DPP6: variants seen among roughly 807,000 people sequenced by gnomAD.
DPP6 encodes dipeptidyl peptidase like 6, also known as A-type potassium channel modulatory protein DPP6.
Under a neutral mutation model 122.6 loss-of-function variants are expected in DPP6, and 69 were observed. The ratio of observed to expected loss-of-function variants is 0.56; its 90% CI spans 0.46 to 0.69. The LOEUF (loss-of-function observed/expected upper bound fraction) is 0.69. DPP6 is among the 30% of genes least tolerant of loss of function. DPP6 has a pLI of 0.00. For synonymous variants in DPP6, 418 were observed against 433.1 expected, an observed-to-expected ratio of 0.97 and a Z score of 0.43; for missense variants, 928 against 1,116.9, an observed-to-expected ratio of 0.83 and a Z score of 2.41.
At chr7:154,543,570 A>G (rs1268414488) in intron 4 of DPP6, among the ~76,000 whole-genome samples, 1 of 152,266 alleles carries the variant, frequency 6.6e-6, no homozygotes. Flanking sequence ...CTGTATTTAC[A>G]TGGATGTATT....
chr7:154,491,950 G>C (rs1040914146), intron 3 of DPP6, among the ~76,000 whole-genome samples: 18 of 152,096 alleles, frequency 1.2e-4, no homozygotes, highest in Non-Finnish European at 2.4e-4. Flanking sequence ...AGTAGCTCAA[G>C]GATCCCATAA....
intron 1 of DPP6, among the ~76,000 whole-genome samples, chr7:153,946,699 G>T (rs545555417): frequency 6.6e-6 from 1 of 152,230 alleles, no homozygotes; most frequent in South Asian, 2.1e-4. Context: ...AAACGCCTCT[G>T]ACATAGCTGA....
chr7:153,950,735 A>G (rs1802170606), intron 1 of DPP6, among the ~76,000 whole-genome samples: 1 of 152,204 alleles, frequency 6.6e-6, no homozygotes. Context: ...ACCTCATTCA[A>G]GGAAAATAAG....
rs544291846 is a variant in DPP6, at chr7:153,928,937, A to G, written c.51+41203A>G. Among the ~76,000 whole-genome samples, 14 of 152,280 alleles carry G rather than the reference A, an allele frequency of 9.2e-5. 1 individual carries two copies. The East Asian group carries it at 1.9e-3, about 21-fold the overall frequency. On this transcript the variant is annotated intron_variant, in intron 1 of 25. Coordinates refer to the DPP6 transcript ENST00000404039. ...GGACGGGAAGTCTCCCCGCACGTCG[A>G]TTCAGAGAAAGGTAACGGAATAAAC...
At chr7:154,230,036 T>C (rs1247940344) in intron 1 of DPP6, among the ~76,000 whole-genome samples, 4 of 152,196 alleles carry the variant, frequency 2.6e-5, no homozygotes, top group African/African-American at 9.7e-5. Flanking sequence ...GGTTTGGGAA[T>C]TGAACATCAT....
chr7:154,828,422 C>G (rs1800359429), intron 16 of DPP6, among the ~76,000 whole-genome samples: 1 of 152,106 alleles, frequency 6.6e-6, no homozygotes, highest in East Asian at 1.9e-4. Context: ...AAGTGCTCTT[C>G]CCTGTCACCA....
intron 4 of DPP6, among the ~76,000 whole-genome samples, chr7:154,550,201 T>A (rs1829527465): frequency 1.3e-5 from 2 of 152,232 alleles, no homozygotes; most frequent in Non-Finnish European, 2.9e-5. Context: ...AGTCATTATT[T>A]CAAGTTACTT....
chr7:153,911,484 C>T (rs1165645410), intron 1 of DPP6, among the ~76,000 whole-genome samples: 2 of 152,160 alleles, frequency 1.3e-5, no homozygotes, highest in African/African-American at 2.4e-5. Context: ...TAGATGCTCT[C>T]CCAAATTTAG....
chr7:154,665,567 T>TA (rs1228664387), intron 6 of DPP6, among the ~76,000 whole-genome samples: 13 of 152,168 alleles, frequency 8.5e-5, no homozygotes, highest in Admixed American at 2.6e-4. Context: ...CCAGCCCAGA[T>TA]ACAATTGCTC....
intron 1 of DPP6, among the ~76,000 whole-genome samples, chr7:154,206,598 A>G (rs1315321106): frequency 1.3e-5 from 2 of 152,158 alleles, no homozygotes; most frequent in Non-Finnish European, 2.9e-5. Context: ...GGCCCTCACC[A>G]ATCCATCCAG....
chr7:153,886,787 C>G (rs141173246), upstream of DPP6, among the ~76,000 whole-genome samples: 30 of 152,304 alleles, frequency 2.0e-4, no homozygotes, highest in African/African-American at 7.2e-4. Context: ...TCCCCCGCTT[C>G]CCCTCCGCTC....
rs1563338785 is a variant in DPP6 at position 154,893,473 on chromosome 7, A to AAAAAAC, written c.*998_*999insCAAAAA. 33 of 142,160 alleles carry AAAAAAC rather than the reference A, an allele frequency of 2.3e-4. No homozygotes were observed. The highest frequency in any genetic ancestry group is 6.5e-4 in the South Asian group (3 of 4,586). The allele number at this position is 142,160 out of a possible 1,614,324, so 8.8% of individuals were successfully genotyped here. ...GGTTTAAAAAAAAAAAAAAAAAAAA[A>AAAAAAC]AAAAAAACAGAAAAAAGACAAAGCG... On this transcript the variant is annotated 3_prime_UTR_variant, in exon 26 of 26. Coordinates refer to ENST00000377770, the MANE Select transcript of DPP6 (RefSeq NM_130797.4).
chr7:154,732,904 C>T (rs1410651826), intron 8 of DPP6, among the ~76,000 whole-genome samples: 2 of 152,208 alleles, frequency 1.3e-5, no homozygotes, highest in Admixed American at 1.3e-4. Flanking sequence ...CAGGCAGCCC[C>T]TGACAAGGAG....
intron 7 of DPP6, among the ~76,000 whole-genome samples, chr7:154,727,458 T>G (rs1055588055): frequency 1.2e-4 from 19 of 152,208 alleles, no homozygotes; most frequent in Non-Finnish European, 2.8e-4. Context: ...GACATGAGAT[T>G]TGGACGGGGA....
Position 154,459,488 on chromosome 7 carries a change from TATTA to T in DPP6, c.358+13164_358+13167del, listed in dbSNP as rs1179093947. Among the ~76,000 whole-genome samples, 4 of 152,298 alleles carry T rather than the reference TATTA, an allele frequency of 2.6e-5. No homozygotes were observed. In the South Asian group the frequency reaches 6.2e-4, roughly 24 times the overall value. On this transcript the variant is annotated intron_variant, in intron 2 of 25. Transcript: ENST00000377770. Reference sequence around the variant, plus strand: ...TATGTTTATGATCAGAACATGATTTTATTAATTTTATTGAACAAGTAATATGTAT... The same window carrying T: ...TATGTTTATGATCAGAACATGATTTTATTTTATTGAACAAGTAATATGTAT...
At chr7:153,935,758 C>A (rs899291486) in intron 1 of DPP6, among the ~76,000 whole-genome samples, 2 of 152,212 alleles carry the variant, frequency 1.3e-5, no homozygotes, top group African/African-American at 4.8e-5. Flanking sequence ...CCCACCACCA[C>A]GCGCTGCTCT....
chr7:154,184,106 A>G (rs1798234923), intron 1 of DPP6, among the ~76,000 whole-genome samples: 1 of 152,194 alleles, frequency 6.6e-6, no homozygotes, highest in African/African-American at 2.4e-5. Context: ...GGCATGGCAG[A>G]CGGGCAGGAC....
intron 1 of DPP6, among the ~76,000 whole-genome samples, chr7:154,014,302 C>T (rs1426054101): frequency 7.0e-6 from 1 of 143,060 alleles, no homozygotes; most frequent in Admixed American, 7.0e-5. Context: ...CAAATTTATA[C>T]TAGCATAAGG....
At chr7:154,076,402 A>C (rs1340356672) in intron 1 of DPP6, among the ~76,000 whole-genome samples, 7 of 151,944 alleles carry the variant, frequency 4.6e-5, no homozygotes, top group Non-Finnish European at 1.0e-4. Context: ...GTGAGCCGAG[A>C]TTGTGGCAAT....
Sources: allele counts gnomAD v4.1 joint callset (sites outside exome capture counted in the v4.1 genomes callset), GRCh38; gene constraint gnomAD v4.1.1; transcripts MANE v1.5; gene names NCBI Gene and HGNC (gene_info 2026-07-23, HGNC 2026-07-21).